The following ZEB1 variants were observed in gnomAD, a reference collection of about 807,000 sequenced individuals.
ZEB1 encodes zinc finger E-box binding homeobox 1, also known as zinc finger E-box-binding homeobox 1.
Under a neutral mutation model 84.9 loss-of-function variants are expected in ZEB1, and 21 were observed. The ratio of observed to expected loss-of-function variants is 0.25; its 90% CI spans 0.18 to 0.36. ZEB1 has a LOEUF of 0.36. Among genes scored for constraint, ZEB1 ranks in the 10% least tolerant of loss-of-function variants. ZEB1 has a pLI of 1.00. For synonymous variants in ZEB1, 420 were observed against 471.1 expected, an observed-to-expected ratio of 0.89 and a Z score of 1.41; for missense variants, 1,104 against 1,330.2, an observed-to-expected ratio of 0.83 and a Z score of 2.65.
intron 1 of ZEB1, among the ~76,000 whole-genome samples, chr10:31,325,529 ATGTT>A (rs1564464102): frequency 6.6e-6 from 1 of 152,058 alleles, no homozygotes; most frequent in Non-Finnish European, 1.5e-5. Context: ...GGTATGAACT[ATGTT>A]TGTAGAAAAC....
intron 1 of ZEB1, among the ~76,000 whole-genome samples, chr10:31,359,625 T>A (rs995452388): frequency 6.6e-6 from 1 of 152,210 alleles, no homozygotes; most frequent in Non-Finnish European, 1.5e-5. Flanking sequence ...TATTACTAAC[T>A]GATGTTATTA....
rs1238493441 is a variant in ZEB1, at chr10:31,407,831, C to A, written c.59-53206C>A. Among the ~76,000 whole-genome samples the A allele has an allele frequency of 2.0e-5, 3 of 150,182 alleles. No homozygotes were observed. The East Asian group carries it at 5.8e-4, about 29-fold the overall frequency. The stretch of plus-strand genomic sequence containing the variant: ...TGGAAGCATTCCCTTTGAAAACTGG[C>A]ACAAGACAGGGATGCCCTCTCTCAC... On this transcript the variant is annotated intron_variant, in intron 1 of 8. Transcript: ENST00000424869.
intron 1 of ZEB1, among the ~76,000 whole-genome samples, chr10:31,367,183 T>C (rs533184879): frequency 3.3e-5 from 5 of 152,346 alleles, no homozygotes; most frequent in Admixed American, 2.0e-4. Flanking sequence ...TACTGGACTT[T>C]TAAAACTGAA....
At chr10:31,324,475 A>G (rs1427170532) in intron 1 of ZEB1, among the ~76,000 whole-genome samples, 1 of 152,032 alleles carries the variant, frequency 6.6e-6, no homozygotes, top group Non-Finnish European at 1.5e-5. Flanking sequence ...TATCATGTGG[A>G]ATTATATTGT....
intron 1 of ZEB1, among the ~76,000 whole-genome samples, chr10:31,383,442 A>G (rs371766116): frequency 6.6e-6 from 1 of 152,234 alleles, no homozygotes; most frequent in African/African-American, 2.4e-5. Context: ...GTAAATTTAT[A>G]TGCCATGATT....
intron 1 of ZEB1, among the ~76,000 whole-genome samples, chr10:31,427,966 G>A (rs2057191022): frequency 6.6e-6 from 1 of 151,476 alleles, no homozygotes; most frequent in Non-Finnish European, 1.5e-5. Context: ...TTGAATTTTT[G>A]GTCTTTGTCT....
chr10:31,440,744 C>T (rs1308288207), intron 1 of ZEB1, among the ~76,000 whole-genome samples: 2 of 152,180 alleles, frequency 1.3e-5, no homozygotes, highest in Non-Finnish European at 2.9e-5. Flanking sequence ...AAATCACAAG[C>T]ATTCTTATAC....
At chr10:31,427,854 A>C (rs1392515509) in intron 1 of ZEB1, among the ~76,000 whole-genome samples, 1 of 148,676 alleles carries the variant, frequency 6.7e-6, no homozygotes, top group Non-Finnish European at 1.5e-5. Flanking sequence ...GCAAGACTCC[A>C]TCTCAAAAAA....
chr10:31,351,232 T>TA (rs1425044194), intron 1 of ZEB1, among the ~76,000 whole-genome samples: 2 of 152,198 alleles, frequency 1.3e-5, no homozygotes, highest in African/African-American at 4.8e-5. Context: ...ACCTTACTCT[T>TA]ACGGTACAGT....
chr10:31,483,000 T>A (rs192784980), intron 2 of ZEB1, among the ~76,000 whole-genome samples: 1 of 152,114 alleles, frequency 6.6e-6, no homozygotes, highest in Admixed American at 6.6e-5. Flanking sequence ...TTCCGCACAT[T>A]TCAGACCTGG....
intron 2 of ZEB1, among the ~76,000 whole-genome samples, chr10:31,475,156 C>CATA (rs963870467): frequency 1.7e-4 from 25 of 150,720 alleles, no homozygotes; most frequent in Non-Finnish European, 4.4e-5. Context: ...CACATGTATA[C>CATA]ATATGTAACT....
At chr10:31,355,102 T>C (rs2041909889) in intron 1 of ZEB1, 1 of 152,204 alleles carries the variant, frequency 6.6e-6, no homozygotes, top group Non-Finnish European at 1.5e-5. Context: ...AAAAATGTGC[T>C]TTAAGAGTTG....
At chr10:31,363,429 C>T (rs1462407718) in intron 1 of ZEB1, 17 of 1,534,220 alleles carry the variant, frequency 1.1e-5, no homozygotes, top group Non-Finnish European at 1.4e-5. Flanking sequence ...CATTTCCCTC[C>T]AAGGGCCTGG....
intron 1 of ZEB1, among the ~76,000 whole-genome samples, chr10:31,378,205 CTG>C (rs1311487607): frequency 6.6e-6 from 1 of 151,590 alleles, no homozygotes; most frequent in Non-Finnish European, 1.5e-5. Flanking sequence ...GATCTGCTCA[CTG>C]AAGCACCACT....
chr10:31,488,779 T>C (rs2066089267), intron 2 of ZEB1, among the ~76,000 whole-genome samples: 1 of 151,190 alleles, frequency 6.6e-6, no homozygotes, highest in South Asian at 2.1e-4. Flanking sequence ...TTTCCAGTGT[T>C]TTGGAGATTT....
intron 1 of ZEB1, chr10:31,373,323 A>T: frequency 2.7e-6 from 2 of 733,826 alleles, no homozygotes; most frequent in Non-Finnish European, 3.3e-6. Flanking sequence ...TTATATTTTA[A>T]TAAAATATAT....
intron 1 of ZEB1, among the ~76,000 whole-genome samples, chr10:31,342,288 A>G (rs1046178442): frequency 2.0e-5 from 3 of 152,170 alleles, no homozygotes; most frequent in East Asian, 1.9e-4. Flanking sequence ...TACATTCACA[A>G]TTTTTAGTGG....
At chr10:31,460,547 A>G (rs2061691788) in intron 1 of ZEB1, among the ~76,000 whole-genome samples, 1 of 152,110 alleles carries the variant, frequency 6.6e-6, no homozygotes, top group Non-Finnish European at 1.5e-5. Flanking sequence ...GTACATAAGC[A>G]ATATCGTATG....
chr10:31,474,209 TG>T (rs2063718573), intron 2 of ZEB1, among the ~76,000 whole-genome samples: 3 of 151,744 alleles, frequency 2.0e-5, no homozygotes, highest in African/African-American at 4.9e-5. Context: ...AATTGACAAA[TG>T]GGATCTAATT....
Sources: allele counts gnomAD v4.1 joint callset (sites outside exome capture counted in the v4.1 genomes callset), GRCh38; gene constraint gnomAD v4.1.1; transcripts MANE v1.5; gene names NCBI Gene and HGNC (gene_info 2026-07-23, HGNC 2026-07-21).